The following GALNTL6 variants were observed in gnomAD, a reference collection of about 807,000 sequenced individuals.
The protein encoded by GALNTL6 is polypeptide N-acetylgalactosaminyltransferase-like 6.
A neutral mutation model predicts 73.7 loss-of-function variants in GALNTL6; 46 were observed. The observed-to-expected ratio is 0.62, with a 90% CI of 0.49 to 0.80. GALNTL6 has a LOEUF of 0.80. Among genes scored for constraint, GALNTL6 ranks in the 30% least tolerant of loss-of-function variants. GALNTL6 has a pLI of 0.00. For synonymous variants in GALNTL6, 259 were observed against 263.7 expected, an observed-to-expected ratio of 0.98 and a Z score of 0.17; for missense variants, 604 against 755.0, an observed-to-expected ratio of 0.80 and a Z score of 2.34.
At chr4:172,439,801 A>T (rs1030852194) in intron 5 of GALNTL6, among the ~76,000 whole-genome samples, 20 of 152,004 alleles carry the variant, frequency 1.3e-4, no homozygotes, top group African/African-American at 4.8e-4. Flanking sequence ...GGTGCACATC[A>T]ATATTGAATG....
chr4:172,829,930 A>T (rs1429309071), intron 7 of GALNTL6, among the ~76,000 whole-genome samples: 1 of 152,226 alleles, frequency 6.6e-6, no homozygotes, highest in Non-Finnish European at 1.5e-5. Flanking sequence ...CTAAAAAATA[A>T]ATTATAATTC....
At chr4:172,658,472 AAAAAAAAAAG>A (rs1731200804) in intron 5 of GALNTL6, among the ~76,000 whole-genome samples, 1 of 151,790 alleles carries the variant, frequency 6.6e-6, no homozygotes, top group Admixed American at 6.6e-5. Context: ...GTCTCAAAAA[AAAAAAAAAAG>A]AAAGAAAAAG....
intron 10 of GALNTL6, among the ~76,000 whole-genome samples, chr4:172,965,618 T>TAA (rs201329280): frequency 2.2e-5 from 3 of 138,666 alleles, no homozygotes; most frequent in Non-Finnish European, 3.2e-5. Context: ...AAGTAAAAAT[T>TAA]AAAAAAAAAA....
At chr4:171,817,772 G>C (rs532262449) in intron 2 of GALNTL6, among the ~76,000 whole-genome samples, 6 of 151,670 alleles carry the variant, frequency 4.0e-5, no homozygotes, top group African/African-American at 1.4e-4. Context: ...GAAAACCAAA[G>C]AGGATCGATA....
At chr4:172,455,829 G>T (rs985435860) in intron 5 of GALNTL6, among the ~76,000 whole-genome samples, 2 of 152,210 alleles carry the variant, frequency 1.3e-5, no homozygotes, top group Non-Finnish European at 2.9e-5. Flanking sequence ...AGATCTCCCA[G>T]CACAGCGCTC....
At chr4:172,622,941 G>T (rs986472643) in intron 5 of GALNTL6, among the ~76,000 whole-genome samples, 5 of 152,086 alleles carry the variant, frequency 3.3e-5, no homozygotes, top group African/African-American at 1.2e-4. Flanking sequence ...AAAAAAATTT[G>T]TGTTTTTTAA....
chr4:172,647,727 T>C (rs1036230717), intron 5 of GALNTL6, among the ~76,000 whole-genome samples: 3 of 152,104 alleles, frequency 2.0e-5, no homozygotes, highest in African/African-American at 7.2e-5. Context: ...TTATCCCAAA[T>C]TGACTGATGA....
In GALNTL6 at chr4:172,616,532, C is replaced by CTT. The variant is rs56070364; in HGVS notation, c.554-192813_554-192812dup. ...GCAAAGTTGGCAGAAAATCCATACTCTTTTTTTTTTTTTTTTTGCAAAGTT... is the reference window on the plus strand; with the variant it reads ...GCAAAGTTGGCAGAAAATCCATACTCTTTTTTTTTTTTTTTTTTTGCAAAGTT... On this transcript the variant is annotated intron_variant, in intron 5 of 12. Transcript: ENST00000506823. 5.0e-3 allele frequency among the ~76,000 whole-genome samples: 584 copies of CTT among 117,332 alleles called. 5 individuals are homozygous for CTT. Among genetic ancestry groups the CTT allele is most frequent in the Middle Eastern group, 0.011 (2 of 174 alleles). The allele number at this position is 117,332 out of a possible 152,430, so 77.0% of individuals were successfully genotyped here.
intron 5 of GALNTL6, among the ~76,000 whole-genome samples, chr4:172,459,943 C>T (rs1732551880): frequency 6.6e-6 from 1 of 152,188 alleles, no homozygotes. Flanking sequence ...CTGGAGGCAT[C>T]ACGCTACCTG....
At chr4:172,745,446 T>TATATATATATACACACAC (rs34523518) in intron 5 of GALNTL6, among the ~76,000 whole-genome samples, 9 of 145,244 alleles carry the variant, frequency 6.2e-5, no homozygotes, top group African/African-American at 1.3e-4. Flanking sequence ...TATATATATG[T>TATATATATATACACACAC]ACACATAACT....
At chr4:172,039,539 G>A (rs1742027687) in intron 2 of GALNTL6, among the ~76,000 whole-genome samples, 1 of 152,114 alleles carries the variant, frequency 6.6e-6, no homozygotes, top group African/African-American at 2.4e-5. Flanking sequence ...TCTAGTAGGG[G>A]ACAGTCAGGA....
chr4:172,144,791 A>C (rs1733887069), intron 2 of GALNTL6, among the ~76,000 whole-genome samples: 1 of 152,168 alleles, frequency 6.6e-6, no homozygotes, highest in Admixed American at 6.6e-5. Context: ...TGCAGAGCTA[A>C]CCCCTTGTTT....
chr4:171,958,297 G>C (rs975988185), intron 2 of GALNTL6, among the ~76,000 whole-genome samples: 2 of 152,104 alleles, frequency 1.3e-5, no homozygotes, highest in Non-Finnish European at 2.9e-5. Flanking sequence ...ATAAAACCAT[G>C]ACTTAATGCA....
At chr4:172,657,514 G>A (rs757800525) in intron 5 of GALNTL6, among the ~76,000 whole-genome samples, 25 of 152,098 alleles carry the variant, frequency 1.6e-4, no homozygotes, top group Non-Finnish European at 3.2e-4. Flanking sequence ...CCTTAATAAG[G>A]CATTGTCTGA....
intron 5 of GALNTL6, among the ~76,000 whole-genome samples, chr4:172,647,945 T>C (rs974899776): frequency 6.6e-6 from 1 of 152,168 alleles, no homozygotes; most frequent in African/African-American, 2.4e-5. Flanking sequence ...CCACCCACTA[T>C]TCAATATCTG....
intron 5 of GALNTL6, among the ~76,000 whole-genome samples, chr4:172,795,771 A>C (rs530170012): frequency 6.6e-6 from 1 of 152,110 alleles, no homozygotes; most frequent in Admixed American, 6.6e-5. Flanking sequence ...CTCATACACT[A>C]TGATGCACTA....
chr4:172,211,987 A>G (rs190128671), intron 2 of GALNTL6, among the ~76,000 whole-genome samples: 131 of 152,196 alleles, frequency 8.6e-4, no homozygotes, highest in African/African-American at 3.0e-3. Context: ...GACCATAGCA[A>G]GGTGCTTATT....
rs1345972587 is a variant in GALNTL6 at position 172,719,564 on chromosome 4, A to G, written c.554-89797A>G. On this transcript the variant is annotated intron_variant, in intron 5 of 12. Coordinates refer to ENST00000506823, the MANE Select transcript of GALNTL6 (RefSeq NM_001034845.3). ...TAAAGATTTCACAACTTCTAAATGC[A>G]GGTAGAAAATTAGAATAGCATACTT... is the stretch of plus-strand genomic sequence containing the variant. 5.9e-5 allele frequency among the ~76,000 whole-genome samples: 9 copies of G among 152,318 alleles called. No individual in the cohort carries two copies. In the East Asian group the frequency reaches 1.7e-3, roughly 29 times the overall value.
chr4:172,290,077 G>A (rs944769585), intron 3 of GALNTL6, among the ~76,000 whole-genome samples: 2 of 151,986 alleles, frequency 1.3e-5, no homozygotes, highest in African/African-American at 4.8e-5. Flanking sequence ...TATTTTATCT[G>A]CTTTATTTGG....
Sources: allele counts gnomAD v4.1 joint callset (sites outside exome capture counted in the v4.1 genomes callset), GRCh38; gene constraint gnomAD v4.1.1; transcripts MANE v1.5; gene names NCBI Gene and HGNC (gene_info 2026-07-23, HGNC 2026-07-21).